GRM8: variants seen among roughly 807,000 people sequenced by gnomAD.
GRM8 encodes glutamate metabotropic receptor 8, also known as metabotropic glutamate receptor 8.
In GRM8, 47 loss-of-function variants were observed where a neutral mutation model predicts 87.2. That is an observed-to-expected ratio of 0.54 (90% CI 0.43 to 0.69). GRM8 has a LOEUF of 0.69. Among genes scored for constraint, GRM8 ranks in the 30% least tolerant of loss-of-function variants. The pLI is 0.00. For missense variants in GRM8, 1,019 were observed against 1,139.2 expected, an observed-to-expected ratio of 0.89 and a Z score of 1.52; for synonymous variants, 396 against 404.5, an observed-to-expected ratio of 0.98 and a Z score of 0.25.
intron 3 of GRM8, among the ~76,000 whole-genome samples, chr7:127,020,526 C>CT (rs1816158521): frequency 6.6e-6 from 1 of 152,046 alleles, no homozygotes; most frequent in African/African-American, 2.4e-5. Flanking sequence ...TTAGGGCAGT[C>CT]TGGCAGGCAA....
chr7:126,566,701 T>C (rs1794248276), intron 8 of GRM8, among the ~76,000 whole-genome samples: 1 of 152,198 alleles, frequency 6.6e-6, no homozygotes, highest in Admixed American at 6.6e-5. Context: ...AGAATTGAAA[T>C]CAGGGTCTCA....
intron 9 of GRM8, among the ~76,000 whole-genome samples, chr7:126,501,404 A>G (rs1021827189): frequency 3.3e-5 from 5 of 151,950 alleles, no homozygotes; most frequent in Admixed American, 1.3e-4. Flanking sequence ...ATATCAGACT[A>G]CTCATATGAT....
chr7:127,117,566 T>C (rs971946633), intron 2 of GRM8, among the ~76,000 whole-genome samples: 18 of 152,206 alleles, frequency 1.2e-4, no homozygotes, highest in African/African-American at 4.3e-4. Context: ...CTTAAGACAG[T>C]GAAAGTTTTC....
At chr7:127,099,677 T>C (rs1360043949) in intron 3 of GRM8, among the ~76,000 whole-genome samples, 1 of 152,232 alleles carries the variant, frequency 6.6e-6, no homozygotes, top group Non-Finnish European at 1.5e-5. Flanking sequence ...TTCTGTCTGC[T>C]TAAGCCCTTC....
At chr7:126,993,124 T>C (rs1812836622) in intron 3 of GRM8, among the ~76,000 whole-genome samples, 1 of 152,140 alleles carries the variant, frequency 6.6e-6, no homozygotes, top group South Asian at 2.1e-4. Flanking sequence ...TGCAGATTTT[T>C]CTATAAACTC....
chr7:127,165,147 T>G (rs1420632751), intron 2 of GRM8, among the ~76,000 whole-genome samples: 8 of 17,932 alleles, frequency 4.5e-4, no homozygotes, highest in African/African-American at 2.3e-3. Context: ...AACAGATATA[T>G]ATATATATAT....
intron 7 of GRM8, among the ~76,000 whole-genome samples, chr7:126,637,403 A>C (rs1801969109): frequency 6.6e-6 from 1 of 152,154 alleles, no homozygotes; most frequent in Non-Finnish European, 1.5e-5. Context: ...AGGTGAATGC[A>C]CTTCACATCA....
chr7:126,444,544 C>T (rs1029202480), intron 10 of GRM8, among the ~76,000 whole-genome samples: 5 of 151,980 alleles, frequency 3.3e-5, no homozygotes, highest in African/African-American at 1.2e-4. Context: ...TTTTTAGAAC[C>T]AATCTGGCTA....
intron 3 of GRM8, among the ~76,000 whole-genome samples, chr7:127,005,670 C>T (rs1220308330): frequency 6.6e-6 from 1 of 151,816 alleles, no homozygotes; most frequent in Non-Finnish European, 1.5e-5. Flanking sequence ...TATACCTCTC[C>T]ACGACTACTC....
intron 3 of GRM8, among the ~76,000 whole-genome samples, chr7:126,944,673 A>G (rs1807340340): frequency 6.6e-6 from 1 of 152,222 alleles, no homozygotes; most frequent in Non-Finnish European, 1.5e-5. Flanking sequence ...AAAAGATAAC[A>G]TAAACTAAGC....
intron 7 of GRM8, among the ~76,000 whole-genome samples, chr7:126,678,356 A>T (rs747133199): frequency 1.3e-5 from 2 of 152,196 alleles, no homozygotes; most frequent in Non-Finnish European, 2.9e-5. Context: ...CCGTGGAGTA[A>T]TCTGATTCTG....
chr7:126,854,444 G>C (rs1797495806), intron 6 of GRM8, among the ~76,000 whole-genome samples: 1 of 152,088 alleles, frequency 6.6e-6, no homozygotes, highest in African/African-American at 2.4e-5. Flanking sequence ...GAATCACCTG[G>C]AAGGCTTGTT....
At chr7:126,803,752 C>T (rs1416853710) in intron 6 of GRM8, among the ~76,000 whole-genome samples, 1 of 152,196 alleles carries the variant, frequency 6.6e-6, no homozygotes, top group Non-Finnish European at 1.5e-5. Context: ...ATCAAACAGC[C>T]ATGAATTTAA....
intron 2 of GRM8, among the ~76,000 whole-genome samples, chr7:127,239,834 A>G (rs1457528553): frequency 6.6e-6 from 1 of 152,218 alleles, no homozygotes; most frequent in African/African-American, 2.4e-5. Flanking sequence ...TGGTTCCAGA[A>G]TCACCTGTAA....
At chr7:126,673,051 C>A (rs952594263) in intron 7 of GRM8, among the ~76,000 whole-genome samples, 1 of 152,166 alleles carries the variant, frequency 6.6e-6, no homozygotes, top group African/African-American at 2.4e-5. Flanking sequence ...AAACTCCAAG[C>A]GGCCTGCCCA....
rs536238712 is a variant in GRM8 at position 127,047,835 on chromosome 7, CAAAAAAT to C, written c.727+58654_727+58660del. ...TGGGTGACAAAATGAGACCCTGTTT[CAAAAAAT>C]AAAAAATAAAAAAGCAATGCAAAAT... On this transcript the variant is annotated intron_variant, in intron 3 of 10. Transcript: ENST00000339582. Among the ~76,000 whole-genome samples the C allele has an allele frequency of 1.5e-3, 221 of 151,822 alleles. 1 individual carries two copies. In the Middle Eastern group the frequency reaches 0.017, roughly 12 times the overall value.
intron 2 of GRM8, among the ~76,000 whole-genome samples, chr7:127,202,733 A>C (rs1795682620): frequency 6.6e-6 from 1 of 152,030 alleles, no homozygotes; most frequent in Non-Finnish European, 1.5e-5. Context: ...CATAATTCCA[A>C]AGCCTGCCAC....
intron 9 of GRM8, among the ~76,000 whole-genome samples, chr7:126,482,795 T>G (rs1333316227): frequency 1.3e-5 from 2 of 152,058 alleles, no homozygotes; most frequent in South Asian, 2.1e-4. Flanking sequence ...GAGAGTAAAT[T>G]TTATCTTCTG....
At chr7:126,804,595 T>C (rs1792460377) in intron 6 of GRM8, among the ~76,000 whole-genome samples, 1 of 152,254 alleles carries the variant, frequency 6.6e-6, no homozygotes, top group South Asian at 2.1e-4. Flanking sequence ...AAAGAAAATC[T>C]AGTTATAATT....
Sources: gnomAD v4.1 joint callset for allele counts (sites outside exome capture counted in the v4.1 genomes callset) on GRCh38, gnomAD v4.1.1 for gene constraint, MANE v1.5 for transcripts, NCBI Gene and HGNC (gene_info 2026-07-23, HGNC 2026-07-21) for gene names.